Variants in NOPCHAP1 observed in about 807,000 individuals in gnomAD.
The protein encoded by NOPCHAP1 is NOP protein chaperone 1.
A neutral mutation model predicts 14.0 loss-of-function variants in NOPCHAP1; 13 were observed. That is an observed-to-expected ratio of 0.93 (90% CI 0.60 to 1.47). The LOEUF is 1.47. NOPCHAP1 is among the 40% of genes most tolerant of loss of function. NOPCHAP1 has a pLI of 0.00. For missense variants in NOPCHAP1, 230 were observed against 226.9 expected (o/e 1.01, Z -0.09); for synonymous variants, 78 against 78.4 (o/e 1.00, Z 0.03).
rs899367927 is a variant in NOPCHAP1 at position 105,005,322 on chromosome 12, A to C, written c.*10626A>C. 3.9e-5 allele frequency: 6 copies of C among 152,232 alleles called. No homozygotes were observed. The highest frequency in any genetic ancestry group is 8.8e-5 in the Non-Finnish European group (6 of 68,052). 9.4% of individuals were successfully genotyped at this position (152,232 alleles called of 1,614,324 possible). On this transcript the variant is annotated 3_prime_UTR_variant, in exon 4 of 4. Transcript: ENST00000552951. ...AGCAGGCTCAAGCAAGTGGCTCAAG[A>C]GTGCTGGTTAGAGAATTTTCTGGGG...
chr12:104,991,712 T>G lies in NOPCHAP1; in HGVS notation c.203T>G (p.Leu68Ter), dbSNP rs1349109962. 2 of 1,606,962 alleles carry G rather than the reference T, an allele frequency of 1.2e-6. No individual in the cohort carries two copies. Residue 68 changes from leucine to a stop codon, truncating the protein, a stop_gained and splice_region_variant, in exon 3 of 4, where the codon TTA becomes TGA. Transcript: ENST00000552951. LOFTEE classifies it high-confidence loss of function. Reference sequence around the variant, plus strand: ...GATATGCTGTATTTACTTTCCACAGTATTGGACCAGGTACAGACATTTCTC... The same window carrying G: ...GATATGCTGTATTTACTTTCCACAGGATTGGACCAGGTACAGACATTTCTC... The part of the protein sequence containing the change: ...LQTVRIERSP[L>*]LDQVQTFLPQ...
rs969078627 is a variant in NOPCHAP1, at chr12:105,012,244, A to G, written c.*17548A>G. The stretch of plus-strand genomic sequence containing the variant: ...CTTTATTTCATTAAGTTGATCTTCA[A>G]TCTCTGATATCCTTTCTCCCACTTG... On this transcript the variant is annotated 3_prime_UTR_variant, in exon 4 of 4. Transcript: ENST00000552951. The G allele has an allele frequency of 3.3e-5, 5 of 152,070 alleles. No homozygotes were observed. The highest frequency in any genetic ancestry group is 1.9e-4 in the East Asian group (1 of 5,186). The allele number at this position is 152,070 out of a possible 1,614,324, so 9.4% of individuals were successfully genotyped here.
At chr12:104,992,864 G>C (rs11112283) in intron 3 of NOPCHAP1, among the ~76,000 whole-genome samples, 10,018 of 152,152 alleles carry the variant, frequency 0.066, 455 homozygotes, top group East Asian at 0.19. Context: ...CCCTGCCAAG[G>C]TCCGTGGAAG....
rs950192698 is a variant in NOPCHAP1 at position 104,996,577 on chromosome 12, A to G, written c.*1881A>G. Reference sequence around the variant, plus strand: ...GGTTCCCTTCTTTGCATCCATGTGTACTCAACGTTTAGCTCCCACTAATAA... The same window carrying G: ...GGTTCCCTTCTTTGCATCCATGTGTGCTCAACGTTTAGCTCCCACTAATAA... On this transcript the variant is annotated 3_prime_UTR_variant, in exon 4 of 4. Coordinates refer to ENST00000552951, the MANE Select transcript of NOPCHAP1 (RefSeq NM_152318.3). 2.6e-5 allele frequency: 4 copies of G among 152,000 alleles called. No homozygotes were observed. The highest frequency in any genetic ancestry group is 9.7e-5 in the African/African-American group (4 of 41,360). 9.4% of individuals were successfully genotyped at this position (152,000 alleles called of 1,614,324 possible).
Position 104,994,461 on chromosome 12 carries a change from T to A in NOPCHAP1, c.340-17T>A. 1 of 1,606,764 alleles carries A rather than the reference T, an allele frequency of 6.2e-7. No individual in the cohort carries two copies. ...GAACTGCTCTGAAATAGATTTCCTG[T>A]CCACTACTTTTTGCAGGATGTGGCT... On this transcript the variant is annotated splice_polypyrimidine_tract_variant and intron_variant, in intron 3 of 3. Coordinates refer to ENST00000552951, the MANE Select transcript of NOPCHAP1 (RefSeq NM_152318.3).
At chr12:104,988,054 G>T in intron 1 of NOPCHAP1, 113 bp from the exon 2 acceptor site, 2 of 692,026 alleles carry the variant, frequency 2.9e-6, no homozygotes, top group African/African-American at 1.8e-5. Flanking sequence ...AAAAAATTTT[G>T]GGGGAGTGTG....
rs1379781144 is a variant in NOPCHAP1, at chr12:104,996,350, C to T, written c.*1654C>T. ...CCCCTCCTTTTAAAAAGATGTTTTA[C>T]ATTTTATTATTTTCATTTTTTTTTT... On this transcript the variant is annotated 3_prime_UTR_variant, in exon 4 of 4. Coordinates refer to ENST00000552951, the MANE Select transcript of NOPCHAP1 (RefSeq NM_152318.3). 4 of 151,324 alleles carry T rather than the reference C, an allele frequency of 2.6e-5. No individual in the cohort carries two copies. Among genetic ancestry groups the T allele is most frequent in the Non-Finnish European group, 4.4e-5 (3 of 67,888 alleles). 9.4% of individuals were successfully genotyped at this position (151,324 alleles called of 1,614,324 possible). A position where few individuals can be genotyped will look rare whatever the true frequency, so the allele number is the denominator to read the frequency against.
rs181307896 is a variant in NOPCHAP1, at chr12:105,007,525, G to A, written c.*12829G>A. On this transcript the variant is annotated 3_prime_UTR_variant, in exon 4 of 4. Coordinates refer to ENST00000552951, the MANE Select transcript of NOPCHAP1 (RefSeq NM_152318.3). ...AGGTTTACAATATTGCACTAAAGAC[G>A]AAGAACATGCGATAACCATAAGAGA... 1.2e-3 allele frequency: 183 copies of A among 152,206 alleles called. No homozygotes were observed. Among genetic ancestry groups the A allele is most frequent in the African/African-American group, 4.3e-3 (179 of 41,538 alleles). The allele number at this position is 152,206 out of a possible 1,614,324, so 9.4% of individuals were successfully genotyped here.
rs921640254 is a variant in NOPCHAP1, at chr12:105,014,067, C to T, written c.*19371C>T. 2.6e-5 allele frequency: 4 copies of T among 152,286 alleles called. No homozygotes were observed. The highest frequency in any genetic ancestry group is 2.1e-4 in the South Asian group (1 of 4,814). The allele number at this position is 152,286 out of a possible 1,614,324, so 9.4% of individuals were successfully genotyped here. A position where few individuals can be genotyped will look rare whatever the true frequency, so the allele number is the denominator to read the frequency against. On this transcript the variant is annotated 3_prime_UTR_variant, in exon 4 of 4. Transcript: ENST00000552951. ...AGAGATGATTAGTGTCACATGGTAT[C>T]GTGAGTAGATACTTGCAACACGAGC...
intron 2 of NOPCHAP1, among the ~76,000 whole-genome samples, chr12:104,990,147 A>T (rs1159797331): frequency 3.3e-5 from 5 of 152,040 alleles, no homozygotes; most frequent in Non-Finnish European, 7.4e-5. Flanking sequence ...GATGTTGGAC[A>T]TTTTGAATAT....
In NOPCHAP1 at chr12:105,000,080, T is replaced by A. The variant is rs956094937; in HGVS notation, c.*5384T>A. The A allele has an allele frequency of 6.6e-6, 1 of 152,232 alleles. No individual in the cohort carries two copies. Among genetic ancestry groups the A allele is most frequent in the African/African-American group, 2.4e-5 (1 of 41,470 alleles). The allele number at this position is 152,232 out of a possible 1,614,324, so 9.4% of individuals were successfully genotyped here. On this transcript the variant is annotated 3_prime_UTR_variant, in exon 4 of 4. Transcript: ENST00000552951. ...AACCACATTTAGTGGAAAAGCACCTTACTATATTTAATCCAATGACATTAT... is the reference window on the plus strand; with the variant it reads ...AACCACATTTAGTGGAAAAGCACCTAACTATATTTAATCCAATGACATTAT...
rs1873518092 is a variant in NOPCHAP1, at chr12:104,997,254, C to T, written c.*2558C>T. On this transcript the variant is annotated 3_prime_UTR_variant, in exon 4 of 4. Coordinates refer to ENST00000552951, the MANE Select transcript of NOPCHAP1 (RefSeq NM_152318.3). ...CTTTCCTTTATATAGTTAGCACTCC[C>T]TTCCAAAACTCTTGTAAGGCAGATC... 6.6e-6 allele frequency: 1 copy of T among 152,164 alleles called. No individual in the cohort carries two copies. The highest frequency in any genetic ancestry group is 1.5e-5 in the Non-Finnish European group (1 of 68,026). The allele number at this position is 152,164 out of a possible 1,614,324, so 9.4% of individuals were successfully genotyped here.
At chr12:104,990,126 A>C (rs1873339633) in intron 2 of NOPCHAP1, among the ~76,000 whole-genome samples, 1 of 151,906 alleles carries the variant, frequency 6.6e-6, no homozygotes, top group Non-Finnish European at 1.5e-5. Flanking sequence ...ATGTTTGCTA[A>C]TTTTTTATTA....
At position 105,012,875 on chromosome 12, in the gene NOPCHAP1, A is replaced by G. The variant is rs1374732733; in HGVS notation, c.*18179A>G. The stretch of plus-strand genomic sequence containing the variant: ...TCTGGAAGCTTCCTCCCAGAGGGTC[A>G]CCCGCTAGATGCCAGCTGGAGATCT... On this transcript the variant is annotated 3_prime_UTR_variant, in exon 4 of 4. Transcript: ENST00000552951. 2 of 152,388 alleles carry G rather than the reference A, an allele frequency of 1.3e-5. No homozygotes were observed. Among genetic ancestry groups the G allele is most frequent in the Non-Finnish European group, 2.9e-5 (2 of 68,238 alleles). The allele number at this position is 152,388 out of a possible 1,614,324, so 9.4% of individuals were successfully genotyped here. A position where few individuals can be genotyped will look rare whatever the true frequency, so the allele number is the denominator to read the frequency against.
intron 2 of NOPCHAP1, 107 bp from the exon 3 acceptor site, chr12:104,991,605 A>G: frequency 8.6e-7 from 1 of 1,160,146 alleles, no homozygotes. Context: ...AAAGATATGT[A>G]ATTATGGTTG....
chr12:104,987,015 A>G (rs1873255204), intron 1 of NOPCHAP1, among the ~76,000 whole-genome samples: 1 of 152,230 alleles, frequency 6.6e-6, no homozygotes, highest in Non-Finnish European at 1.5e-5. Flanking sequence ...TCCACTAGTA[A>G]TTAACTGGTG....
chr12:105,012,037 G>C lies in NOPCHAP1; in HGVS notation c.*17341G>C, dbSNP rs929668092. Reference sequence around the variant, plus strand: ...ATTTCCTGAATTTGAATGTTGGCCTGTCTTGCTAGGTTGGGGAAGTTCTCG... The same window carrying C: ...ATTTCCTGAATTTGAATGTTGGCCTCTCTTGCTAGGTTGGGGAAGTTCTCG... On this transcript the variant is annotated 3_prime_UTR_variant, in exon 4 of 4. Coordinates refer to ENST00000552951, the MANE Select transcript of NOPCHAP1 (RefSeq NM_152318.3). The C allele has an allele frequency of 6.6e-6, 1 of 152,204 alleles. No homozygotes were observed. The highest frequency in any genetic ancestry group is 1.5e-5 in the Non-Finnish European group (1 of 68,046). 9.4% of individuals were successfully genotyped at this position (152,204 alleles called of 1,614,324 possible).
chr12:104,993,844 A>T (rs1873434805), intron 3 of NOPCHAP1, among the ~76,000 whole-genome samples: 1 of 151,962 alleles, frequency 6.6e-6, no homozygotes, highest in South Asian at 2.1e-4. Context: ...GTTTGTTTTG[A>T]TTTTTTTATT....
In NOPCHAP1 at chr12:105,016,820, A is replaced by G. The variant is rs974184377; in HGVS notation, c.*22124A>G. The G allele has an allele frequency of 1.3e-5, 2 of 152,182 alleles. No individual in the cohort carries two copies. Among genetic ancestry groups the G allele is most frequent in the East Asian group, 1.9e-4 (1 of 5,190 alleles). 9.4% of individuals were successfully genotyped at this position (152,182 alleles called of 1,614,324 possible). A position where few individuals can be genotyped will look rare whatever the true frequency, so the allele number is the denominator to read the frequency against. ...AAACATATCAGTATGTTATGGCCTT[A>G]TATAAAAGTTGTTTTGTTTGTAAGC... On this transcript the variant is annotated 3_prime_UTR_variant, in exon 4 of 4. Transcript: ENST00000552951.
Sources: allele counts gnomAD v4.1 joint callset (sites outside exome capture counted in the v4.1 genomes callset), GRCh38; gene constraint gnomAD v4.1.1; transcripts MANE v1.5; gene names NCBI Gene and HGNC (gene_info 2026-07-23, HGNC 2026-07-21).